Variants in USP33 observed in about 807,000 individuals in gnomAD.
USP33 encodes ubiquitin specific peptidase 33, also known as ubiquitin carboxyl-terminal hydrolase 33.
USP33 carries 46 observed loss-of-function variants against 124.2 expected under a neutral mutation model. That is an observed-to-expected ratio of 0.37 (90% CI 0.29 to 0.47). USP33 has a LOEUF of 0.47. Among genes scored for constraint, USP33 ranks in the 20% least tolerant of loss-of-function variants. The pLI is 0.99. For synonymous variants in USP33, 350 were observed against 352.3 expected (o/e 0.99, Z 0.07); for missense variants, 851 against 1,070.6 (o/e 0.79, Z 2.86).
rs866509755 is a variant in USP33 at position 77,750,640 on chromosome 1, G to C, written c.-51-8892C>G. 3.4e-3 allele frequency among the ~76,000 whole-genome samples: 476 copies of C among 139,302 alleles called. 5 individuals carry two copies. The highest frequency in any genetic ancestry group is 0.012 in the African/African-American group (428 of 36,018). The allele number at this position is 139,302 out of a possible 152,430, so 91.4% of individuals were successfully genotyped here. A position where few individuals can be genotyped will look rare whatever the true frequency, so the allele number is the denominator to read the frequency against. On this transcript the variant is annotated intron_variant, in intron 1 of 23. Coordinates refer to ENST00000370794, the MANE Select transcript of USP33 (RefSeq NM_201624.3). ...CTGACTTAAAAAAGAAAGAAAGAAAGAAAGAAAGAAAGAAAGAAAGAAAGA... is the reference window on the plus strand; with the variant it reads ...CTGACTTAAAAAAGAAAGAAAGAAACAAAGAAAGAAAGAAAGAAAGAAAGA...
chr1:77,712,921 T>A (rs1675433106), intron 20 of USP33, among the ~76,000 whole-genome samples: 1 of 152,210 alleles, frequency 6.6e-6, no homozygotes. Flanking sequence ...AGTATATACA[T>A]ATGTAAAATT....
chr1:77,748,568 C>A (rs1679960732), intron 1 of USP33, among the ~76,000 whole-genome samples: 1 of 151,656 alleles, frequency 6.6e-6, no homozygotes, highest in Non-Finnish European at 1.5e-5. Context: ...ACTCAGGAGA[C>A]TGAGGCAGGA....
At chr1:77,739,545 T>A in intron 4 of USP33, 128 bp from the exon 5 acceptor site, 1 of 876,030 alleles carries the variant, frequency 1.1e-6, no homozygotes, top group South Asian at 2.8e-5. Context: ...AAAGCTAATT[T>A]AGAACATGAA....
intron 1 of USP33, among the ~76,000 whole-genome samples, chr1:77,748,664 T>C (rs1384977482): frequency 6.9e-6 from 1 of 145,114 alleles, no homozygotes; most frequent in Non-Finnish European, 1.5e-5. Flanking sequence ...CGAGACTCCG[T>C]CTCAAAAAAA....
chr1:77,700,628 A>G (rs972949913), intron 22 of USP33, among the ~76,000 whole-genome samples: 1 of 152,158 alleles, frequency 6.6e-6, no homozygotes, highest in Non-Finnish European at 1.5e-5. Flanking sequence ...AAAATTTTAA[A>G]AAGTAAATAC....
intron 17 of USP33, among the ~76,000 whole-genome samples, chr1:77,716,744 T>C (rs1362030289): frequency 6.6e-6 from 1 of 152,228 alleles, no homozygotes; most frequent in Non-Finnish European, 1.5e-5. Flanking sequence ...AGCCAAGTAC[T>C]GTATGTAAAA....
intron 4 of USP33, 126 bp from the exon 5 acceptor site, chr1:77,739,543 T>C (rs1678881473): frequency 1.7e-5 from 15 of 890,168 alleles, no homozygotes; most frequent in Non-Finnish European, 2.4e-5. Context: ...CAAAAGCTAA[T>C]TTAGAACATG....
intron 5 of USP33, among the ~76,000 whole-genome samples, chr1:77,737,423 T>C (rs572574207): frequency 9.8e-5 from 15 of 152,362 alleles, no homozygotes; most frequent in African/African-American, 3.6e-4. Flanking sequence ...GTACAGAGGC[T>C]TAAATCACCT....
intron 1 of USP33, among the ~76,000 whole-genome samples, chr1:77,756,486 C>G (rs1680813602): frequency 6.6e-6 from 1 of 152,190 alleles, no homozygotes; most frequent in Admixed American, 6.5e-5. Context: ...TCAACTACTT[C>G]TCTCCTCAGC....
Position 77,713,291 on chromosome 1 carries a change from T to C in USP33, c.2216-10A>G, listed in dbSNP as rs6603958. On this transcript the variant is annotated splice_polypyrimidine_tract_variant and intron_variant, in intron 19 of 23. Coordinates refer to ENST00000370794, the MANE Select transcript of USP33 (RefSeq NM_201624.3). Reference sequence around the variant, plus strand: ...TTTCTTGGAGGAACACCTAAAAAAATATATAAACATATCTGTTTCATGCTT... The same window carrying C: ...TTTCTTGGAGGAACACCTAAAAAAACATATAAACATATCTGTTTCATGCTT... The C allele has an allele frequency of 1.3e-6, 2 of 1,556,224 alleles. No homozygotes were observed. The highest frequency in any genetic ancestry group is 1.7e-6 in the Non-Finnish European group (2 of 1,157,120).
chr1:77,722,111 T>C lies in USP33; in HGVS notation c.1475A>G (p.His492Arg). Residue 492 changes from histidine to arginine, a missense_variant, in exon 13 of 24, where the codon CAT becomes CGT. His to Arg is a conservative substitution (Grantham distance 29, BLOSUM62 0). Around this residue, in one of 4 missense-constraint regions of USP33, gnomAD observed 281 missense variants for 425.0 expected, o/e 0.66. Transcript: ENST00000370794. ...EDLAKLHSSS[H>R]PTSIVKAGSC... ...TCCTGCTTTGACTATAGAAGTTGGA[T>C]GACTTGATGAATGCAGCTTAGCAAG... 3 of 1,614,160 alleles carry C rather than the reference T, an allele frequency of 1.9e-6. No individual in the cohort carries two copies. The highest frequency in any genetic ancestry group is 2.5e-6 in the Non-Finnish European group (3 of 1,179,998).
At position 77,714,798 on chromosome 1, in the gene USP33, G is replaced by C. The variant is rs1390262057; in HGVS notation, c.2046-15C>G. On this transcript the variant is annotated splice_polypyrimidine_tract_variant and intron_variant, in intron 18 of 23. Transcript: ENST00000370794. Reference sequence around the variant, plus strand: ...CGCTGCTCTTCCTATTAAGGACAATGATTAGTTAAATTCAATATGCATTTT... The same window carrying C: ...CGCTGCTCTTCCTATTAAGGACAATCATTAGTTAAATTCAATATGCATTTT... 1 of 1,605,592 alleles carries C rather than the reference G, an allele frequency of 6.2e-7. No individual in the cohort carries two copies. The highest frequency in any genetic ancestry group is 8.5e-7 in the Non-Finnish European group (1 of 1,178,576).
rs145490301 is a variant in USP33 at position 77,713,190 on chromosome 1, A to G, written c.2297+10T>C. 6.3e-7 allele frequency: 1 copy of G among 1,597,886 alleles called. No individual in the cohort carries two copies. ...TCACAACACTGTATGGTCTGATTTA[A>G]AAAACAAACCTGCTATATAGGTTAT... On this transcript the variant is annotated intron_variant, in intron 20 of 23. Coordinates refer to ENST00000370794, the MANE Select transcript of USP33 (RefSeq NM_201624.3).
chr1:77,713,317 T>C, intron 19 of USP33, 36 bp from the exon 20 acceptor site: 1 of 1,511,972 alleles, frequency 6.6e-7, no homozygotes, highest in Non-Finnish European at 8.9e-7. Flanking sequence ...TTTCATGCTT[T>C]TAATTATATT....
chr1:77,759,822 C>T lies in USP33; in HGVS notation c.-231G>A, dbSNP rs1256161369. 7.6e-6 allele frequency: 3 copies of T among 396,600 alleles called. No individual in the cohort carries two copies. The highest frequency in any genetic ancestry group is 1.3e-5 in the Non-Finnish European group (3 of 224,982). 24.6% of individuals were successfully genotyped at this position (396,600 alleles called of 1,614,324 possible). A position where few individuals can be genotyped will look rare whatever the true frequency, so the allele number is the denominator to read the frequency against. On this transcript the variant is annotated 5_prime_UTR_variant, in exon 1 of 24. Coordinates refer to ENST00000370794, the MANE Select transcript of USP33 (RefSeq NM_201624.3). ...TCCGCCTCCTGAACTGGCCACTTCCCGCAGCAGCCGCGGCTCCTTCCGGTG... is the reference window on the plus strand; with the variant it reads ...TCCGCCTCCTGAACTGGCCACTTCCTGCAGCAGCCGCGGCTCCTTCCGGTG...
rs779599519 is a variant in USP33 at position 77,740,937 on chromosome 1, A to G, written c.138T>C (p.Asn46=). The G allele has an allele frequency of 6.5e-7, 1 of 1,543,172 alleles. No individual in the cohort carries two copies. The highest frequency in any genetic ancestry group is 1.9e-5 in the Admixed American group (1 of 53,262). ...QGPNLWACLE[N]RCSYVGCGES... ...CACCACAGCCAACATATGAACATCT[A>G]TTCTATAAATAATTATATAGGAAGA... The change falls in exon 4 of 24, where the codon AAT becomes AAC. Residue 46 remains asparagine, a splice_region_variant and synonymous_variant. Transcript: ENST00000370794.
At chr1:77,702,223 G>A (rs1674125361) in intron 21 of USP33, among the ~76,000 whole-genome samples, 2 of 146,846 alleles carry the variant, frequency 1.4e-5, no homozygotes, top group Admixed American at 1.4e-4. Context: ...TAGAATACGT[G>A]GTAGCATCTA....
rs997361502 is a variant in USP33, at chr1:77,720,183, A to C, written c.1691+989T>G. The stretch of plus-strand genomic sequence containing the variant: ...CTCAAATGAAAAAAAAAAAAAAAAA[A>C]AAAAAAAAAAACCTTTATTCTTACA... On this transcript the variant is annotated intron_variant, in intron 15 of 23. Transcript: ENST00000370794. The C allele has an allele frequency of 3.8e-5, 17 of 446,364 alleles. 1 individual carries two copies. Among genetic ancestry groups the C allele is most frequent in the South Asian group, 3.7e-4 (4 of 10,716 alleles). 27.7% of individuals were successfully genotyped at this position (446,364 alleles called of 1,614,324 possible).
intron 10 of USP33, among the ~76,000 whole-genome samples, chr1:77,728,073 G>A (rs904003944): frequency 8.5e-5 from 13 of 152,174 alleles, no homozygotes; most frequent in Admixed American, 7.2e-4. Context: ...AAAGACATCT[G>A]ATGAAATGTT....
Sources: allele counts gnomAD v4.1 joint callset (sites outside exome capture counted in the v4.1 genomes callset), GRCh38; gene constraint gnomAD v4.1.1; regional missense constraint gnomAD v4.1.1; transcripts MANE v1.5; gene names NCBI Gene and HGNC (gene_info 2026-07-23, HGNC 2026-07-21).